Variants in FSTL5 observed in about 807,000 individuals in gnomAD.
The protein encoded by FSTL5 is follistatin like 5.
A neutral mutation model predicts 89.1 loss-of-function variants in FSTL5; 62 were observed. That is an observed-to-expected ratio of 0.70 (90% confidence interval 0.57 to 0.86). FSTL5 has a LOEUF of 0.86. Among genes scored for constraint, FSTL5 ranks in the 40% least tolerant of loss-of-function variants. The pLI, the probability that FSTL5 is intolerant of heterozygous loss-of-function variation, is 0.00. For missense variants in FSTL5, 1,057 were observed against 1,001.6 expected, an observed-to-expected ratio of 1.06 and a Z score of -0.75; for synonymous variants, 383 against 346.2, an observed-to-expected ratio of 1.11 and a Z score of -1.18.
At chr4:161,876,494 T>C (rs2126905705) in intron 4 of FSTL5, among the ~76,000 whole-genome samples, 1 of 152,326 alleles carries the variant, frequency 6.6e-6, no homozygotes, top group South Asian at 2.1e-4. Context: ...TCACAAAAAG[T>C]TACTTTGTTA....
rs116970409 is a variant in FSTL5 at position 161,676,162 on chromosome 4, A to G, written c.728-19668T>C. 5.9e-3 allele frequency among the ~76,000 whole-genome samples: 904 copies of G among 152,256 alleles called. 9 individuals are homozygous for G. Among genetic ancestry groups the G allele is most frequent in the South Asian group, 0.046 (220 of 4,828 alleles). On this transcript the variant is annotated intron_variant, in intron 6 of 15. Coordinates refer to ENST00000306100, the MANE Select transcript of FSTL5 (RefSeq NM_020116.5). Reference sequence around the variant, plus strand: ...AATGTTTAGTAGGCATTCCACAAACAAAAGTTATGAATATGATTAAACTAC... The same window carrying G: ...AATGTTTAGTAGGCATTCCACAAACGAAAGTTATGAATATGATTAAACTAC...
chr4:162,155,203 T>G (rs1012819625), intron 1 of FSTL5, among the ~76,000 whole-genome samples: 27 of 152,298 alleles, frequency 1.8e-4, no homozygotes, highest in Middle Eastern at 6.8e-3. Flanking sequence ...ATTAAATGTA[T>G]ATCAAAAGGG....
chr4:161,950,009 T>G (rs1734846867), intron 3 of FSTL5, among the ~76,000 whole-genome samples: 1 of 152,096 alleles, frequency 6.6e-6, no homozygotes, highest in Non-Finnish European at 1.5e-5. Context: ...TGTCTCAAAA[T>G]TTTTAAAAAT....
At chr4:161,786,219 A>G (rs1450932842) in intron 4 of FSTL5, among the ~76,000 whole-genome samples, 1 of 152,036 alleles carries the variant, frequency 6.6e-6, no homozygotes, top group Non-Finnish European at 1.5e-5. Flanking sequence ...TAGCATTGTT[A>G]TTATTTTATG....
At chr4:161,693,532 C>T (rs995434267) in intron 6 of FSTL5, among the ~76,000 whole-genome samples, 4 of 150,446 alleles carry the variant, frequency 2.7e-5, no homozygotes, top group African/African-American at 9.8e-5. Context: ...TTTGTTTCCT[C>T]TTGAGTCAGT....
chr4:161,636,986 G>C (rs1329705018), intron 7 of FSTL5, among the ~76,000 whole-genome samples: 2 of 57,682 alleles, frequency 3.5e-5, no homozygotes, highest in Admixed American at 2.3e-4. Context: ...CCAGTAATGG[G>C]ATGGCTGGGT....
intron 1 of FSTL5, among the ~76,000 whole-genome samples, chr4:162,157,004 C>T (rs915661401): frequency 6.6e-5 from 10 of 152,090 alleles, no homozygotes; most frequent in African/African-American, 9.7e-5. Context: ...ATGCTTAAGA[C>T]TATGCACAGG....
chr4:161,497,581 C>G (rs1409373230), intron 12 of FSTL5, among the ~76,000 whole-genome samples: 1 of 151,868 alleles, frequency 6.6e-6, no homozygotes, highest in East Asian at 1.9e-4. Context: ...CCTTTTATTA[C>G]TCTTCCATAA....
chr4:161,578,365 A>T (rs1346717448), intron 8 of FSTL5, among the ~76,000 whole-genome samples: 1 of 152,116 alleles, frequency 6.6e-6, no homozygotes, highest in Non-Finnish European at 1.5e-5. Flanking sequence ...ACATACAGAT[A>T]AAAGAAAAAA....
chr4:161,712,836 AC>A (rs776084641), intron 6 of FSTL5, among the ~76,000 whole-genome samples: 4 of 151,292 alleles, frequency 2.6e-5, no homozygotes, highest in South Asian at 4.2e-4. Flanking sequence ...TTGACCCCTC[AC>A]CCCCCTCTCT....
At chr4:162,140,052 A>G (rs1011401933) in intron 1 of FSTL5, among the ~76,000 whole-genome samples, 2 of 152,166 alleles carry the variant, frequency 1.3e-5, no homozygotes, top group African/African-American at 4.8e-5. Context: ...CACTATTTTT[A>G]GGTAAATGCC....
At chr4:161,931,615 A>T (rs1341194060) in intron 3 of FSTL5, among the ~76,000 whole-genome samples, 1 of 151,926 alleles carries the variant, frequency 6.6e-6, no homozygotes, top group Non-Finnish European at 1.5e-5. Flanking sequence ...ACAATATACC[A>T]ATATGAAAAT....
intron 12 of FSTL5, among the ~76,000 whole-genome samples, chr4:161,481,695 T>C (rs1045946923): frequency 1.3e-5 from 2 of 152,220 alleles, no homozygotes; most frequent in African/African-American, 4.8e-5. Context: ...AATGGTTATT[T>C]TATTTTTCAA....
In FSTL5 at chr4:162,062,420, C is replaced by A. The variant is rs146371149; in HGVS notation, c.127-28762G>T. Among the ~76,000 whole-genome samples the A allele has an allele frequency of 2.6e-3, 398 of 151,850 alleles. 1 individual carries two copies. The highest frequency in any genetic ancestry group is 8.9e-3 in the African/African-American group (368 of 41,506). On this transcript the variant is annotated intron_variant, in intron 2 of 15. Transcript: ENST00000306100. ...TTAGTCCAATTTCTATTGGAATTTC[C>A]TGAAAATAAATTAAAATAAGTCGTC...
At chr4:161,496,606 AG>A (rs1304724036) in intron 12 of FSTL5, among the ~76,000 whole-genome samples, 18 of 152,160 alleles carry the variant, frequency 1.2e-4, no homozygotes, top group African/African-American at 4.1e-4. Context: ...ACTCCTGTGT[AG>A]GTTTCCAGAC....
chr4:161,479,418 C>G (rs1237949922), intron 13 of FSTL5, among the ~76,000 whole-genome samples: 1 of 147,250 alleles, frequency 6.8e-6, no homozygotes, highest in Non-Finnish European at 1.5e-5. Flanking sequence ...AATTTATATT[C>G]AGAGAGTATA....
intron 8 of FSTL5, among the ~76,000 whole-genome samples, chr4:161,563,745 C>A (rs1732692058): frequency 6.6e-6 from 1 of 151,950 alleles, no homozygotes. Flanking sequence ...AGAAAGTGCA[C>A]ATATTGTTCT....
At chr4:161,465,697 T>A (rs573969555) in intron 13 of FSTL5, among the ~76,000 whole-genome samples, 2 of 152,208 alleles carry the variant, frequency 1.3e-5, no homozygotes, top group Admixed American at 1.3e-4. Context: ...ACCCCCATCA[T>A]AATAGAACAA....
At chr4:161,742,495 T>C (rs1246745042) in intron 6 of FSTL5, among the ~76,000 whole-genome samples, 1 of 152,220 alleles carries the variant, frequency 6.6e-6, no homozygotes, top group African/African-American at 2.4e-5. Context: ...TTTTAAAATA[T>C]TATTATTGCT....
Sources: gnomAD v4.1 joint callset for allele counts (sites outside exome capture counted in the v4.1 genomes callset) on GRCh38, gnomAD v4.1.1 for gene constraint, MANE v1.5 for transcripts, NCBI Gene and HGNC (gene_info 2026-07-23, HGNC 2026-07-21) for gene names.